PACS2: variants seen among roughly 807,000 people sequenced by gnomAD.
PACS2 encodes phosphofurin acidic cluster sorting protein 2, also known as PACS1-like protein.
Under a neutral mutation model 113.0 loss-of-function variants are expected in PACS2, and 36 were observed. That is an observed-to-expected ratio of 0.32 (90% confidence interval 0.24 to 0.42). The LOEUF (loss-of-function observed/expected upper bound fraction) is 0.42, where lower values mean the gene tolerates loss of function less well. Among genes scored for constraint, PACS2 ranks in the 10% least tolerant of loss-of-function variants. The pLI is 1.00. For synonymous variants in PACS2, 589 were observed against 536.1 expected (o/e 1.10, Z -1.36); for missense variants, 1,015 against 1,239.5 (o/e 0.82, Z 2.72).
At chr14:105,337,268 T>C (rs1555400736) in intron 1 of PACS2, among the ~76,000 whole-genome samples, 1 of 152,138 alleles carries the variant, frequency 6.6e-6, no homozygotes, top group East Asian at 1.9e-4. Flanking sequence ...AGCCTGGTGA[T>C]GCCAGGGGCC....
rs587726108 is a variant in PACS2 at position 105,367,027 on chromosome 14, T to C, written c.424-186T>C. On this transcript the variant is annotated intron_variant, in intron 4 of 24. Coordinates refer to ENST00000447393, the MANE Select transcript of PACS2 (RefSeq NM_001100913.3). ...GGCTCCTGTGTCCTCCTCTCGTATC[T>C]GTCCCCTCTCCCCAGTGGCCACGTT... 2.6e-5 allele frequency among the ~76,000 whole-genome samples: 4 copies of C among 152,306 alleles called. No individual in the cohort carries two copies. The East Asian group carries it at 7.7e-4, about 29-fold the overall frequency.
rs181112803 is a variant in PACS2, at chr14:105,336,958, G to A, written c.120-11535G>A. Reference sequence around the variant, plus strand: ...CTGTGTTCACAGCAGCCTTACTCACGGTGACTGCGTGATGGACGCAGCCTG... The same window carrying A: ...CTGTGTTCACAGCAGCCTTACTCACAGTGACTGCGTGATGGACGCAGCCTG... On this transcript the variant is annotated intron_variant, in intron 1 of 24. Transcript: ENST00000447393. 7.2e-5 allele frequency among the ~76,000 whole-genome samples: 11 copies of A among 152,332 alleles called. 1 individual carries two copies. The highest frequency in any genetic ancestry group is 2.6e-4 in the African/African-American group (11 of 41,574).
At position 105,324,758 on chromosome 14, in the gene PACS2, C is replaced by T. The variant is rs1267516216; in HGVS notation, c.119+9721C>T. Among the ~76,000 whole-genome samples the T allele has an allele frequency of 2.0e-5, 3 of 152,152 alleles. No individual in the cohort carries two copies. The highest frequency in any genetic ancestry group is 7.2e-5 in the African/African-American group (3 of 41,436). On this transcript the variant is annotated intron_variant, in intron 1 of 24. Coordinates refer to ENST00000447393, the MANE Select transcript of PACS2 (RefSeq NM_001100913.3). This position sits in a 1 kb window ranked among gnomAD's most constrained non-coding sequence, Gnocchi z 4.7. Reference sequence around the variant, plus strand: ...GATGGGGGGCAGGCTCTCCAGGAGCCCCAGGGAGCACTGGCTACTGCTGGG... The same window carrying T: ...GATGGGGGGCAGGCTCTCCAGGAGCTCCAGGGAGCACTGGCTACTGCTGGG...
upstream of PACS2, among the ~76,000 whole-genome samples, chr14:105,312,446 C>T (rs2058372858): frequency 6.6e-6 from 1 of 152,222 alleles, no homozygotes. Context: ...TCTTGGACCT[C>T]CTCCCCAACC....
At chr14:105,322,425 G>A (rs1291313869) in intron 1 of PACS2, among the ~76,000 whole-genome samples, 13 of 149,110 alleles carry the variant, frequency 8.7e-5, no homozygotes, top group East Asian at 4.0e-4. Context: ...CACCGCACCC[G>A]GCTCATTTTT....
chr14:105,364,915 C>T (rs2060890870), intron 4 of PACS2, among the ~76,000 whole-genome samples: 1 of 152,146 alleles, frequency 6.6e-6, no homozygotes, highest in African/African-American at 2.4e-5. Flanking sequence ...CCAGGCTGGT[C>T]TCAAACTCCT....
chr14:105,384,850 T>A, intron 17 of PACS2, 29 bp from the exon 18 acceptor site: 1 of 1,393,406 alleles, frequency 7.2e-7, no homozygotes, highest in Non-Finnish European at 1.0e-6. Context: ...GGCACCAGCC[T>A]AACCCCCCAC....
upstream of PACS2, among the ~76,000 whole-genome samples, chr14:105,312,733 A>G (rs764067131): frequency 6.6e-5 from 10 of 152,176 alleles, no homozygotes; most frequent in Non-Finnish European, 1.5e-4. Flanking sequence ...TGATCACCCA[A>G]GGGACATCTG....
rs1160612821 is a variant in PACS2, at chr14:105,389,976, C to T, written c.2049C>T (p.Ser683=). The change falls in exon 20 of 25, where the codon TCC becomes TCT. Residue 683 remains serine (S), a synonymous_variant. Coordinates refer to ENST00000447393, the MANE Select transcript of PACS2 (RefSeq NM_001100913.3). The part of the protein sequence containing the change: ...FDFTLSPDEE[S]SQKFIPFVGV... ...TTGCTCTTAGCCCTGACGAAGAGTC[C>T]TCCCAAAAGTTCATTCCCTTTGTCG... 3 of 1,613,996 alleles carry T rather than the reference C, an allele frequency of 1.9e-6. No homozygotes were observed. The Admixed American group carries it at 5.0e-5, about 27-fold the overall frequency.
intron 9 of PACS2, among the ~76,000 whole-genome samples, chr14:105,378,051 C>T (rs2141216958): frequency 6.6e-6 from 1 of 152,332 alleles, no homozygotes; most frequent in Non-Finnish European, 1.5e-5. Flanking sequence ...CCCAGGGTCC[C>T]TCCTCCACCT....
chr14:105,302,226 G>T (rs1211319880), intron 1 of PACS2, among the ~76,000 whole-genome samples: 1 of 144,000 alleles, frequency 6.9e-6, no homozygotes, highest in African/African-American at 2.6e-5. Context: ...TTTTTGAGAC[G>T]GAGTCTCTGC....
intron 4 of PACS2, among the ~76,000 whole-genome samples, chr14:105,364,419 T>C (rs587618510): frequency 0.043 from 2,893 of 66,536 alleles, 273 homozygotes; most frequent in African/African-American, 0.15. Context: ...CGGTGGGCGG[T>C]GTCCCGGGTG....
chr14:105,359,165 G>A (rs1442623621), intron 4 of PACS2, among the ~76,000 whole-genome samples: 2 of 152,114 alleles, frequency 1.3e-5, no homozygotes, highest in African/African-American at 4.8e-5. Context: ...GGTGCGTGGT[G>A]ACCTCCCAGG....
chr14:105,332,515 A>G (rs1220474139), intron 1 of PACS2, among the ~76,000 whole-genome samples: 2 of 152,162 alleles, frequency 1.3e-5, no homozygotes, highest in African/African-American at 4.8e-5. Flanking sequence ...CCCCATGGGA[A>G]GCTGTGCTGA....
rs2060549850 is a variant in PACS2 at position 105,358,671 on chromosome 14, G to A, written c.423+3494G>A. Among the ~76,000 whole-genome samples the A allele has an allele frequency of 6.6e-6, 1 of 152,164 alleles. No homozygotes were observed. The highest frequency in any genetic ancestry group is 1.5e-5 in the Non-Finnish European group (1 of 68,004). Reference sequence around the variant, plus strand: ...GACCTGGGAGTGCGGTGGTGGCTGAGGGAGCAGCCATGCTTCTTTGCACAG... The same window carrying A: ...GACCTGGGAGTGCGGTGGTGGCTGAAGGAGCAGCCATGCTTCTTTGCACAG... On this transcript the variant is annotated intron_variant, in intron 4 of 24. Coordinates refer to ENST00000447393, the MANE Select transcript of PACS2 (RefSeq NM_001100913.3). This position sits in a 1 kb window ranked among gnomAD's most constrained non-coding sequence, Gnocchi z 4.9.
upstream of PACS2, among the ~76,000 whole-genome samples, chr14:105,309,738 A>T (rs775197176): frequency 2.3e-4 from 33 of 143,708 alleles, no homozygotes; most frequent in Non-Finnish European, 3.3e-4. This position sits in a 1 kb window ranked among gnomAD's most constrained non-coding sequence, Gnocchi z 4.0. Flanking sequence ...TATTAGGTCT[A>T]GATTAGCCTG....
chr14:105,374,876 C>G (rs955299464), intron 8 of PACS2: 1 of 152,196 alleles, frequency 6.6e-6, no homozygotes, highest in Non-Finnish European at 1.5e-5. Flanking sequence ...ATAAGCAGCT[C>G]GTGGACCTGC....
chr14:105,333,185 C>G (rs1416597183), intron 1 of PACS2, among the ~76,000 whole-genome samples: 1 of 152,220 alleles, frequency 6.6e-6, no homozygotes, highest in African/African-American at 2.4e-5. Context: ...GCCCTGTTCC[C>G]TACCAGTCCC....
At chr14:105,392,226 G>A in intron 22 of PACS2, 1 of 334,146 alleles carries the variant, frequency 3.0e-6, no homozygotes, top group Non-Finnish European at 5.6e-6. Context: ...CAGGCGTGGT[G>A]CTGGTGCTGC....
Sources: allele counts gnomAD v4.1 joint callset (sites outside exome capture counted in the v4.1 genomes callset), GRCh38; gene constraint gnomAD v4.1.1; non-coding constraint Gnocchi (gnomAD v3.1); transcripts MANE v1.5; gene names NCBI Gene and HGNC (gene_info 2026-07-23, HGNC 2026-07-21).